Variants in MYO18B observed in about 807,000 individuals in gnomAD.
MYO18B encodes myosin XVIIIB, also known as unconventional myosin-XVIIIb.
A neutral mutation model predicts 273.0 loss-of-function variants in MYO18B; 204 were observed. The ratio of observed to expected loss-of-function variants is 0.75; its 90% CI spans 0.67 to 0.84. MYO18B has a LOEUF of 0.84. Among genes scored for constraint, MYO18B ranks in the 40% least tolerant of loss-of-function variants. MYO18B has a pLI of 0.00. For missense variants in MYO18B, 3,212 were observed against 3,287.6 expected, an observed-to-expected ratio of 0.98 and a Z score of 0.56; for synonymous variants, 1,330 against 1,305.7, an observed-to-expected ratio of 1.02 and a Z score of -0.40.
intron 17 of MYO18B, among the ~76,000 whole-genome samples, chr22:25,840,066 T>G (rs2090036784): frequency 6.6e-6 from 1 of 152,214 alleles, no homozygotes. Flanking sequence ...CACAACTCCC[T>G]GTTTCTTCCT....
At chr22:25,896,116 G>C (rs2091793748) in intron 28 of MYO18B, among the ~76,000 whole-genome samples, 1 of 152,076 alleles carries the variant, frequency 6.6e-6, no homozygotes, top group Non-Finnish European at 1.5e-5. Flanking sequence ...AGCAGTCCTT[G>C]AGATAATGCT....
At chr22:26,061,230 C>T in the MYO18B span, among the ~76,000 whole-genome samples, 1 of 152,192 alleles carries the variant, frequency 6.6e-6, no homozygotes, top group Non-Finnish European at 1.5e-5. Context: ...TTAGTAAATT[C>T]CTCAGCCCTT....
chr22:25,835,498 CT>C lies in MYO18B; in HGVS notation c.3208+56del, dbSNP rs368278667. On this transcript the variant is annotated intron_variant, in intron 17 of 43. Transcript: ENST00000335473. ...CTGAGTCCAGCCTGGGTATTAGAAT[CT>C]GTTCTTCTCTGCTGCAGGGAAAGCC... The C allele has an allele frequency of 1.4e-5, 23 of 1,604,002 alleles. No homozygotes were observed. The African/African-American group carries it at 2.9e-4, about 21-fold the overall frequency.
rs1026651577 is a variant in MYO18B, at chr22:25,951,493, G to A, written c.5833-793G>A. On this transcript the variant is annotated intron_variant, in intron 37 of 43. Transcript: ENST00000335473. ...CCATGCACTGAGATTCAGCCATTCA[G>A]TGCAGAATTTTCTCCGTCTGAGAAA... Among the ~76,000 whole-genome samples, 3 of 152,202 alleles carry A rather than the reference G, an allele frequency of 2.0e-5. No homozygotes were observed. In the East Asian group the frequency reaches 5.8e-4, roughly 29 times the overall value.
intron 33 of MYO18B, among the ~76,000 whole-genome samples, chr22:25,913,755 T>C (rs917435112): frequency 6.6e-6 from 1 of 152,226 alleles, no homozygotes; most frequent in African/African-American, 2.4e-5. Flanking sequence ...TTATACAAGA[T>C]GCGAATCCAT....
intron 36 of MYO18B, among the ~76,000 whole-genome samples, chr22:25,950,011 G>A (rs547759623): frequency 6.6e-6 from 1 of 152,246 alleles, no homozygotes; most frequent in African/African-American, 2.4e-5. Flanking sequence ...CTAAGGCCAG[G>A]GTCCAGGTCT....
chr22:25,845,431 C>T (rs1027553703), intron 18 of MYO18B, among the ~76,000 whole-genome samples: 1 of 152,134 alleles, frequency 6.6e-6, no homozygotes, highest in African/African-American at 2.4e-5. Flanking sequence ...GCAGGAGAAT[C>T]GCTTGAACCC....
chr22:25,764,811 G>A (rs2086447056), intron 3 of MYO18B, among the ~76,000 whole-genome samples: 1 of 152,198 alleles, frequency 6.6e-6, no homozygotes, highest in Non-Finnish European at 1.5e-5. Context: ...TGCTGCTCAT[G>A]GGCTCATTTA....
intron 42 of MYO18B, among the ~76,000 whole-genome samples, chr22:26,016,149 A>G (rs1051398602): frequency 6.6e-6 from 1 of 152,262 alleles, no homozygotes; most frequent in Admixed American, 6.5e-5. Context: ...GATGCATTAA[A>G]TTCACTTAAA....
chr22:26,008,612 G>A (rs548646035), intron 42 of MYO18B, among the ~76,000 whole-genome samples: 35 of 152,326 alleles, frequency 2.3e-4, no homozygotes, highest in African/African-American at 3.8e-4. Context: ...TGCTGCTGCC[G>A]CTGATAAGTG....
At chr22:26,061,919 T>C in the MYO18B span, among the ~76,000 whole-genome samples, 1 of 152,152 alleles carries the variant, frequency 6.6e-6, no homozygotes, top group Non-Finnish European at 1.5e-5. Context: ...TCAGAACATT[T>C]AAGAAAATAC....
In MYO18B at chr22:25,837,872, C is replaced by T. The variant is rs138920135; in HGVS notation, c.3208+2429C>T. The stretch of plus-strand genomic sequence containing the variant: ...GGGGGCCCATGAAAATGTTGTTTTT[C>T]ATTTTTTTAAATTTTAAGGTCAGGG... On this transcript the variant is annotated intron_variant, in intron 17 of 43. Transcript: ENST00000335473. Among the ~76,000 whole-genome samples, 1,020 of 152,202 alleles carry T rather than the reference C, an allele frequency of 6.7e-3. 16 individuals carry two copies. The highest frequency in any genetic ancestry group is 0.023 in the African/African-American group (974 of 41,516).
rs749244883 is a variant in MYO18B, at chr22:25,823,533, G to A, written c.2550G>A (p.Glu850=). Residue 850 remains glutamate (E), a synonymous_variant, in exon 13 of 44, where the codon GAG becomes GAA. Coordinates refer to ENST00000335473, the MANE Select transcript of MYO18B (RefSeq NM_032608.7). ...KVGRKQFMRF[E]WANYAAEALG... The stretch of plus-strand genomic sequence containing the variant: ...GTCGGAAGCAGTTCATGAGGTTTGA[G>A]TGGGCAAACTACGCAGCTGAGGCCC... 1 of 1,614,002 alleles carries A rather than the reference G, an allele frequency of 6.2e-7. No individual in the cohort carries two copies. The highest frequency in any genetic ancestry group is 2.2e-5 in the East Asian group (1 of 44,864).
At position 25,831,221 on chromosome 22, in the gene MYO18B, C is replaced by T. The variant is rs73168992; in HGVS notation, c.2980-1696C>T. Among the ~76,000 whole-genome samples the T allele has an allele frequency of 9.2e-3, 1,404 of 152,278 alleles. 10 individuals are homozygous for T. Among genetic ancestry groups the T allele is most frequent in the Non-Finnish European group, 0.013 (902 of 68,024 alleles). ...AGTATTACATTATTCACATAACCTCCCTCCACTTACAAATCTTAGTAAACC... is the reference window on the plus strand; with the variant it reads ...AGTATTACATTATTCACATAACCTCTCTCCACTTACAAATCTTAGTAAACC... On this transcript the variant is annotated intron_variant, in intron 15 of 43. Transcript: ENST00000335473.
intron 39 of MYO18B, among the ~76,000 whole-genome samples, chr22:25,987,950 C>A (rs1416506547): frequency 1.3e-5 from 2 of 152,110 alleles, no homozygotes; most frequent in East Asian, 3.9e-4. Context: ...TATCCCCCAC[C>A]TCCCAATTTC....
intron 34 of MYO18B, among the ~76,000 whole-genome samples, chr22:25,932,027 A>AATG (rs2092510903): frequency 6.6e-6 from 1 of 151,844 alleles, no homozygotes; most frequent in Non-Finnish European, 1.5e-5. Context: ...TTGAGCCAAC[A>AATG]CGCCCAGCCT....
At chr22:25,827,054 T>G (rs547165112) in intron 14 of MYO18B, among the ~76,000 whole-genome samples, 18 of 152,282 alleles carry the variant, frequency 1.2e-4, no homozygotes, top group Non-Finnish European at 1.9e-4. Flanking sequence ...AGAGCGAGAC[T>G]CTCTCAAAAC....
At chr22:25,869,439 T>G in intron 22 of MYO18B, among the ~76,000 whole-genome samples, 1 of 61,450 alleles carries the variant, frequency 1.6e-5, no homozygotes, top group Admixed American at 2.6e-4. Flanking sequence ...AATAGAACAA[T>G]ACTGTGTCTC....
rs1030314048 is a variant in MYO18B, at chr22:25,745,542, C to T, written c.-110+3249C>T. Reference sequence around the variant, plus strand: ...TTCAGTCTGAAGGATCCAGAGACACCATTAGCTTCATATGAATCTCTCCTC... The same window carrying T: ...TTCAGTCTGAAGGATCCAGAGACACTATTAGCTTCATATGAATCTCTCCTC... On this transcript the variant is annotated intron_variant, in intron 1 of 43. Coordinates refer to ENST00000335473, the MANE Select transcript of MYO18B (RefSeq NM_032608.7). 5.2e-4 allele frequency among the ~76,000 whole-genome samples: 79 copies of T among 151,914 alleles called. 1 individual carries two copies. Among genetic ancestry groups the T allele is most frequent in the African/African-American group, 1.8e-3 (76 of 41,422 alleles).
Sources: gnomAD v4.1 joint callset for allele counts (sites outside exome capture counted in the v4.1 genomes callset) on GRCh38, gnomAD v4.1.1 for gene constraint, MANE v1.5 for transcripts, NCBI Gene and HGNC (gene_info 2026-07-23, HGNC 2026-07-21) for gene names.